Variants in XPO5 observed in about 807,000 individuals in gnomAD.
XPO5 encodes exportin-5.
A neutral mutation model predicts 160.6 loss-of-function variants in XPO5; 46 were observed. The observed-to-expected ratio is 0.29, with a 90% CI of 0.23 to 0.37. XPO5 has a LOEUF of 0.37. XPO5 is among the 10% of genes least tolerant of loss of function. The pLI, the probability that XPO5 is intolerant of heterozygous loss-of-function variation, is 1.00. For missense variants in XPO5, 1,090 were observed against 1,463.9 expected, an observed-to-expected ratio of 0.74 and a Z score of 4.17; for synonymous variants, 537 against 519.3, an observed-to-expected ratio of 1.03 and a Z score of -0.46.
intron 28 of XPO5, 42 bp downstream of exon 28, chr6:43,525,797 C>T (rs1263966062): frequency 6.2e-7 from 1 of 1,601,150 alleles, no homozygotes; most frequent in African/African-American, 1.3e-5. Context: ...TGACTCCCCA[C>T]CTGGGCAAGG....
intron 20 of XPO5, among the ~76,000 whole-genome samples, chr6:43,538,579 G>A (rs2127717933): frequency 6.6e-6 from 1 of 152,224 alleles, no homozygotes; most frequent in Non-Finnish European, 1.5e-5. Context: ...AGTATTTTGA[G>A]ATATAACAAT....
rs1283697082 is a variant in XPO5, at chr6:43,546,708, A to C, written c.2205T>G (p.Thr735=). Reference sequence around the variant, plus strand: ...CCTCTTCTAGGTCAGTGGGCCAGCAAGTTCGTTTCACCACACCCAGAATGC... The same window carrying C: ...CCTCTTCTAGGTCAGTGGGCCAGCACGTTCGTTTCACCACACCCAGAATGC... The part of the protein sequence containing the change: ...VYSILGVVKR[T]CWPTDLEEAK... Residue 735 remains threonine (T), a synonymous_variant, in exon 20 of 32, where the codon ACT becomes ACG. Transcript: ENST00000265351. The C allele has an allele frequency of 1.9e-6, 3 of 1,612,670 alleles. No homozygotes were observed. Among genetic ancestry groups the C allele is most frequent in the Non-Finnish European group, 2.5e-6 (3 of 1,179,286 alleles).
intron 22 of XPO5, 109 bp from the exon 23 acceptor site, chr6:43,530,933 AAG>A (rs1793932194): frequency 7.3e-7 from 1 of 1,376,224 alleles, no homozygotes. Flanking sequence ...TTTCAGCCAG[AAG>A]AGCAGTTGTA....
At chr6:43,569,018 C>A (rs947008614) in intron 5 of XPO5, among the ~76,000 whole-genome samples, 2 of 152,196 alleles carry the variant, frequency 1.3e-5, no homozygotes, top group Non-Finnish European at 2.9e-5. Flanking sequence ...GTTGGCCAGG[C>A]GTGGTGGCTC....
At chr6:43,546,518 A>C in intron 20 of XPO5, 53 bp downstream of exon 20, 1 of 1,540,444 alleles carries the variant, frequency 6.5e-7, no homozygotes, top group Non-Finnish European at 8.7e-7. Flanking sequence ...AAACTTTTGA[A>C]ATTTTTAAGG....
chr6:43,576,030 G>GCTGCGCACGCGCCCGGCCCGCCA lies in XPO5; in HGVS notation c.-167_-166insTGGCGGGCCGGGCGCGTGCGCAG, dbSNP rs977505971. On this transcript the variant is annotated 5_prime_UTR_variant, in exon 1 of 32. Transcript: ENST00000265351. The stretch of plus-strand genomic sequence containing the variant: ...CAACTCGCGCTGGGAAGAAGCCGGC[G>GCTGCGCACGCGCCCGGCCCGCCA]CTGCGCACGCGCCCGGCCCGCCACT... 125 of 579,516 alleles carry GCTGCGCACGCGCCCGGCCCGCCA rather than the reference G, an allele frequency of 2.2e-4. No homozygotes were observed. Among genetic ancestry groups the GCTGCGCACGCGCCCGGCCCGCCA allele is most frequent in the African/African-American group, 4.4e-4 (22 of 50,348 alleles). The allele number at this position is 579,516 out of a possible 1,614,324, so 35.9% of individuals were successfully genotyped here.
intron 26 of XPO5, 168 bp from the exon 27 acceptor site, chr6:43,526,915 C>G (rs981980390): frequency 1.4e-5 from 9 of 653,790 alleles, no homozygotes; most frequent in Non-Finnish European, 2.4e-5. Flanking sequence ...TAGAGGCATT[C>G]TGATGACCGA....
intron 11 of XPO5, chr6:43,558,913 T>A (rs181662666): frequency 6.5e-5 from 15 of 231,104 alleles, no homozygotes; most frequent in Admixed American, 6.2e-4. Flanking sequence ...AACTGAGAGC[T>A]ACTTGCCTCA....
At chr6:43,553,569 C>T (rs763215458) in intron 13 of XPO5, 66 bp from the exon 14 acceptor site, 15 of 1,509,514 alleles carry the variant, frequency 9.9e-6, no homozygotes, top group African/African-American at 9.8e-5. Flanking sequence ...ATTGAAAGAT[C>T]GCAGAAGACA....
At chr6:43,543,501 T>C (rs1794805758) in intron 20 of XPO5, among the ~76,000 whole-genome samples, 1 of 151,898 alleles carries the variant, frequency 6.6e-6, no homozygotes, top group Admixed American at 6.6e-5. Flanking sequence ...ATCAGAATAG[T>C]AGTTATCTTT....
intron 17 of XPO5, among the ~76,000 whole-genome samples, chr6:43,548,764 A>G (rs1795089364): frequency 6.6e-6 from 1 of 151,128 alleles, no homozygotes; most frequent in Non-Finnish European, 1.5e-5. Context: ...ATATATGGAG[A>G]TAACTGCTGT....
rs758631635 is a variant in XPO5, at chr6:43,567,283, C to T, written c.720G>A (p.Met240Ile). 10 of 1,613,960 alleles carry T rather than the reference C, an allele frequency of 6.2e-6. No homozygotes were observed. The highest frequency in any genetic ancestry group is 5.5e-5 in the South Asian group (5 of 91,072). ...TACAGTTTTCAGCAGTGATGTGACT[C>T]ATAGACACCCAGTCAATATAGCCTG... ...TLAGYIDWVS[M>I]SHITAENCKL... The change falls in exon 7 of 32, where the codon ATG becomes ATA. Residue 240 changes from methionine to isoleucine, a missense_variant. By Grantham distance (10) the Met-to-Ile change is conservative. Around this residue, in one of 3 missense-constraint regions of XPO5, gnomAD observed 110 missense variants for 97.9 expected, o/e 1.12. Transcript: ENST00000265351.
intron 6 of XPO5, 128 bp downstream of exon 6, chr6:43,568,583 G>T: frequency 1.3e-6 from 1 of 789,780 alleles, no homozygotes; most frequent in Non-Finnish European, 1.9e-6. Context: ...TCCAGCCTGG[G>T]CAACAGTAAG....
At chr6:43,573,270 A>T in intron 2 of XPO5, 1 of 591,706 alleles carries the variant, frequency 1.7e-6, no homozygotes, top group Non-Finnish European at 2.8e-6. Flanking sequence ...AATATGTACC[A>T]CACACTTTAC....
Position 43,525,940 on chromosome 6 carries a change from A to G in XPO5, c.2984-19T>C. 1.9e-6 allele frequency: 3 copies of G among 1,613,076 alleles called. No individual in the cohort carries two copies. Among genetic ancestry groups the G allele is most frequent in the Non-Finnish European group, 2.5e-6 (3 of 1,179,190 alleles). On this transcript the variant is annotated intron_variant, in intron 27 of 31. Coordinates refer to ENST00000265351, the MANE Select transcript of XPO5 (RefSeq NM_020750.3). ...TCTTCATCTGTTATCAGAGAGTAGAATGTTAAGCTCCATCCTTTCAGAACA... is the reference window on the plus strand; with the variant it reads ...TCTTCATCTGTTATCAGAGAGTAGAGTGTTAAGCTCCATCCTTTCAGAACA...
chr6:43,538,166 TTG>T (rs1794467519), intron 20 of XPO5, among the ~76,000 whole-genome samples: 1 of 134,390 alleles, frequency 7.4e-6, no homozygotes, highest in Non-Finnish European at 1.5e-5. Context: ...TTTTTTTTTT[TTG>T]AAACAGAGAT....
At chr6:43,553,579 A>G (rs1795364304) in intron 13 of XPO5, 76 bp from the exon 14 acceptor site, 1 of 1,501,892 alleles carries the variant, frequency 6.7e-7, no homozygotes. Context: ...CGCAGAAGAC[A>G]CAGAGAGACA....
At position 43,545,527 on chromosome 6, in the gene XPO5, C is replaced by T. The variant is rs113358653; in HGVS notation, c.2342+1044G>A. 3.8e-4 allele frequency among the ~76,000 whole-genome samples: 58 copies of T among 152,012 alleles called. 1 individual carries two copies. Among genetic ancestry groups the T allele is most frequent in the Middle Eastern group, 3.4e-3 (1 of 294 alleles). Reference sequence around the variant, plus strand: ...TTCGAGACCAGCCTGGCTAACATGGCGAAGCCCTGTCTCTACTAAAAATAC... The same window carrying T: ...TTCGAGACCAGCCTGGCTAACATGGTGAAGCCCTGTCTCTACTAAAAATAC... On this transcript the variant is annotated intron_variant, in intron 20 of 31. Coordinates refer to ENST00000265351, the MANE Select transcript of XPO5 (RefSeq NM_020750.3).
At chr6:43,535,067 TG>T (rs1794232293) in intron 20 of XPO5, among the ~76,000 whole-genome samples, 2 of 150,754 alleles carry the variant, frequency 1.3e-5, no homozygotes, top group Non-Finnish European at 1.5e-5. Flanking sequence ...CTGAGGTGGG[TG>T]GATCACGAGG....
Sources: allele counts gnomAD v4.1 joint callset (sites outside exome capture counted in the v4.1 genomes callset), GRCh38; gene constraint gnomAD v4.1.1; regional missense constraint gnomAD v4.1.1; transcripts MANE v1.5; gene names NCBI Gene and HGNC (gene_info 2026-07-23, HGNC 2026-07-21).